The following KIAA0825 variants were observed in gnomAD, a reference collection of about 807,000 sequenced individuals.
KIAA0825 encodes the protein KIAA0825.
Under a neutral mutation model 147.6 loss-of-function variants are expected in KIAA0825, and 119 were observed. That is an observed-to-expected ratio of 0.81 (90% CI 0.69 to 0.94). The LOEUF (loss-of-function observed/expected upper bound fraction) is 0.94. Ranked by LOEUF, KIAA0825 falls within the 40% of genes least tolerant of loss-of-function variation. The probability of loss-of-function intolerance (pLI) is 0.00; values close to 1 mark genes in which losing one functional copy is unlikely to be tolerated. For synonymous variants in KIAA0825, 470 were observed against 518.1 expected (o/e 0.91, Z 1.26); for missense variants, 1,381 against 1,472.7 (o/e 0.94, Z 1.02).
intron 20 of KIAA0825, among the ~76,000 whole-genome samples, chr5:94,290,837 G>A (rs1222096833): frequency 6.6e-6 from 1 of 152,172 alleles, no homozygotes; most frequent in Non-Finnish European, 1.5e-5. Context: ...TAACTGGTGT[G>A]AGATGGTATT....
intron 20 of KIAA0825, among the ~76,000 whole-genome samples, chr5:94,234,357 C>G (rs189308954): frequency 6.7e-6 from 1 of 148,292 alleles, no homozygotes; most frequent in Non-Finnish European, 1.5e-5. Context: ...GGCAACAGAG[C>G]GAGACTCCGT....
intron 1 of KIAA0825, among the ~76,000 whole-genome samples, chr5:94,615,022 T>A (rs546073903): frequency 1.9e-4 from 28 of 147,832 alleles, no homozygotes; most frequent in Admixed American, 1.4e-3. Flanking sequence ...TATGAAAACA[T>A]AAGCTCACAA....
intron 1 of KIAA0825, among the ~76,000 whole-genome samples, chr5:94,598,594 AAC>A (rs1223861726): frequency 1.3e-5 from 2 of 152,160 alleles, no homozygotes; most frequent in East Asian, 1.9e-4. Context: ...ATAAACCAGT[AAC>A]ACAGTCATTT....
chr5:94,239,940 G>A (rs1562329542), intron 20 of KIAA0825, among the ~76,000 whole-genome samples: 1 of 152,290 alleles, frequency 6.6e-6, no homozygotes, highest in East Asian at 1.9e-4. Context: ...AAGCTCACAA[G>A]TGATGATATA....
intron 2 of KIAA0825, among the ~76,000 whole-genome samples, chr5:94,563,186 C>CA (rs1410945218): frequency 1.7e-3 from 172 of 102,552 alleles, no homozygotes; most frequent in African/African-American, 5.5e-3. Flanking sequence ...CTAAAAATAC[C>CA]AAAAAAAACA....
chr5:94,273,343 T>C (rs1777078548), intron 20 of KIAA0825, among the ~76,000 whole-genome samples: 2 of 152,180 alleles, frequency 1.3e-5, no homozygotes, highest in Admixed American at 1.3e-4. Context: ...GAAAATATAA[T>C]ACTGGGAACA....
At chr5:94,155,213 CTTTTTTTTTTT>C (rs67704311) in intron 20 of KIAA0825, among the ~76,000 whole-genome samples, 2 of 119,066 alleles carry the variant, frequency 1.7e-5, no homozygotes, top group Admixed American at 8.4e-5. Context: ...TATTTTCTTT[CTTTTTTTTTTT>C]TTTTTTTTTT....
At chr5:94,229,360 C>G (rs1774483878) in intron 20 of KIAA0825, among the ~76,000 whole-genome samples, 1 of 152,160 alleles carries the variant, frequency 6.6e-6, no homozygotes, top group Non-Finnish European at 1.5e-5. Context: ...CCTGCTTCTT[C>G]TTCTCTTGTG....
intron 20 of KIAA0825, among the ~76,000 whole-genome samples, chr5:94,324,594 AT>A (rs1468571048): frequency 6.6e-6 from 1 of 151,996 alleles, no homozygotes; most frequent in African/African-American, 2.4e-5. Context: ...ACCACAGCAG[AT>A]TTTTTTACCA....
At position 94,473,452 on chromosome 5, in the gene KIAA0825, A is replaced by G. The variant is rs2150998679; in HGVS notation, c.1295T>C (p.Val432Ala). Residue 432 changes from valine (V) to alanine (A), a missense_variant, in exon 8 of 21, where the codon GTA becomes GCA. Transcript: ENST00000682413. ...KEVSLPMAHC[V>A]VTAIEGFSTK... ...GGAAAAACCTTCAATTGCAGTTACT[A>G]CGCAGTGCGCCATGGGAAGAGACAC... is the stretch of plus-strand genomic sequence containing the variant. 9 of 1,551,862 alleles carry G rather than the reference A, an allele frequency of 5.8e-6. No homozygotes were observed. Among genetic ancestry groups the G allele is most frequent in the Non-Finnish European group, 7.8e-6 (9 of 1,147,026 alleles).
rs112684030 is a variant in KIAA0825, at chr5:94,613,194, T to C, written c.-153+5306A>G. Among the ~76,000 whole-genome samples the C allele has an allele frequency of 3.6e-3, 548 of 152,274 alleles. 2 individuals are homozygous for C. The highest frequency in any genetic ancestry group is 0.013 in the African/African-American group (529 of 41,550). ...AGGGATGCACTAAAGTTTGACCTTG[T>C]CCTCTGTATTTTTTTTGAGAGAGAA... On this transcript the variant is annotated intron_variant, in intron 1 of 20. Coordinates refer to ENST00000682413, the MANE Select transcript of KIAA0825 (RefSeq NM_001145678.3).
At chr5:94,594,783 G>A (rs2973154) in intron 1 of KIAA0825, 481,084 of 553,524 alleles carry the variant, frequency 0.87, 209,828 homozygotes, top group African/African-American at 0.97. Context: ...TAGAGAAGTC[G>A]AATCATGATT....
At chr5:94,230,296 A>G (rs1774574689) in intron 20 of KIAA0825, among the ~76,000 whole-genome samples, 1 of 152,158 alleles carries the variant, frequency 6.6e-6, no homozygotes, top group African/African-American at 2.4e-5. Context: ...CCCTCAACCT[A>G]GAGTGTTCCT....
chr5:94,156,256 G>A (rs1296578278), intron 20 of KIAA0825, among the ~76,000 whole-genome samples: 3 of 152,064 alleles, frequency 2.0e-5, no homozygotes, highest in African/African-American at 4.8e-5. Context: ...ATTAACAATC[G>A]TGGCTTAAAA....
At chr5:94,564,353 C>T (rs981065376) in intron 2 of KIAA0825, among the ~76,000 whole-genome samples, 1 of 150,940 alleles carries the variant, frequency 6.6e-6, no homozygotes. Context: ...CTGTGACTAC[C>T]GGCATGAGCC....
chr5:94,233,299 G>A lies in KIAA0825; in HGVS notation c.3711-79175C>T, dbSNP rs145586641. 9.3e-4 allele frequency among the ~76,000 whole-genome samples: 142 copies of A among 152,236 alleles called. 1 individual carries two copies. Among genetic ancestry groups the A allele is most frequent in the African/African-American group, 3.3e-3 (135 of 41,530 alleles). ...ACATGATTCCTAAAGAGAAGCATCG[G>A]GACAACTCTTCTATAGTGATGAGGC... On this transcript the variant is annotated intron_variant, in intron 20 of 20. Coordinates refer to ENST00000682413, the MANE Select transcript of KIAA0825 (RefSeq NM_001145678.3).
At chr5:94,604,329 A>C (rs1015123392) in intron 1 of KIAA0825, among the ~76,000 whole-genome samples, 9 of 152,228 alleles carry the variant, frequency 5.9e-5, no homozygotes, top group Admixed American at 1.3e-4. Flanking sequence ...AGATGGGTGG[A>C]TCTCCTGAGG....
At chr5:94,427,475 G>T (rs987595705) in intron 14 of KIAA0825, among the ~76,000 whole-genome samples, 3 of 152,084 alleles carry the variant, frequency 2.0e-5, no homozygotes, top group African/African-American at 7.2e-5. Flanking sequence ...GTTTGAGGTT[G>T]CAGTGAGCCA....
chr5:94,406,375 G>T (rs1162438946), intron 15 of KIAA0825, among the ~76,000 whole-genome samples: 1 of 152,160 alleles, frequency 6.6e-6, no homozygotes, highest in African/African-American at 2.4e-5. Context: ...ATTGTCCATA[G>T]TCTATGTAGT....
Sources: gnomAD v4.1 joint callset for allele counts (sites outside exome capture counted in the v4.1 genomes callset) on GRCh38, gnomAD v4.1.1 for gene constraint, MANE v1.5 for transcripts, NCBI Gene and HGNC (gene_info 2026-07-23, HGNC 2026-07-21) for gene names.